The following CCDC57 variants were observed in gnomAD, a reference collection of about 807,000 sequenced individuals.
The protein encoded by CCDC57 is coiled-coil domain containing 57.
A neutral mutation model predicts 118.9 loss-of-function variants in CCDC57; 118 were observed. That is an observed-to-expected ratio of 0.99 (90% CI 0.86 to 1.16). The LOEUF (loss-of-function observed/expected upper bound fraction) is 1.16. Among genes scored for constraint, CCDC57 ranks in the 50% most tolerant of loss-of-function variants. The probability of loss-of-function intolerance (pLI) is 0.00; values close to 1 mark genes in which losing one functional copy is unlikely to be tolerated. For missense variants in CCDC57, 1,300 were observed against 1,320.7 expected, an observed-to-expected ratio of 0.98 and a Z score of 0.24; for synonymous variants, 527 against 532.9, an observed-to-expected ratio of 0.99 and a Z score of 0.15.
intron 7 of CCDC57, among the ~76,000 whole-genome samples, chr17:82,189,087 T>C (rs1284968296): frequency 6.6e-6 from 1 of 152,018 alleles, no homozygotes; most frequent in African/African-American, 2.4e-5. Flanking sequence ...CTGGGCAATA[T>C]GGCAAAACAC....
In CCDC57 at chr17:82,102,312, C is replaced by T. The variant is rs543767360; in HGVS notation, c.2900-446G>A. On this transcript the variant is annotated intron_variant, in intron 19 of 19. Coordinates refer to ENST00000665763, the Ensembl canonical transcript of CCDC57. ...GACACATTGCCTGCCCCCGCCTCCC[C>T]GATGGGCCAGCAGTGCCAGGCTTTT... Among the ~76,000 whole-genome samples, 318 of 152,324 alleles carry T rather than the reference C, an allele frequency of 2.1e-3. 2 individuals carry two copies. The highest frequency in any genetic ancestry group is 7.1e-3 in the African/African-American group (297 of 41,562).
At chr17:82,145,740 C>T in intron 16 of CCDC57, 1 of 415,574 alleles carries the variant, frequency 2.4e-6, no homozygotes, top group South Asian at 1.7e-5. Context: ...CCTCCTGCTT[C>T]CCCCTGCAGG....
At chr17:82,191,425 G>A (rs1341795383) in intron 7 of CCDC57, among the ~76,000 whole-genome samples, 1 of 152,152 alleles carries the variant, frequency 6.6e-6, no homozygotes, top group Admixed American at 6.5e-5. Flanking sequence ...AGCGGGATTG[G>A]CACCATATAG....
chr17:82,174,645 A>C (rs1045135807), intron 11 of CCDC57, among the ~76,000 whole-genome samples: 1 of 152,208 alleles, frequency 6.6e-6, no homozygotes, highest in African/African-American at 2.4e-5. Context: ...CTTCTCAAAG[A>C]GATAACAACA....
intron 16 of CCDC57, among the ~76,000 whole-genome samples, chr17:82,141,172 G>A (rs1368439370): frequency 4.6e-5 from 6 of 131,708 alleles, no homozygotes; most frequent in African/African-American, 5.6e-5. Context: ...CACCACGCCC[G>A]GCTAATTTTT....
chr17:82,166,552 G>A (rs2044010319), intron 13 of CCDC57, among the ~76,000 whole-genome samples: 1 of 151,950 alleles, frequency 6.6e-6, no homozygotes, highest in Non-Finnish European at 1.5e-5. Context: ...AAAAACTCCA[G>A]CAAGCAATTT....
Position 82,130,499 on chromosome 17 carries a change from C to CTTTT in CCDC57, c.2578-1906_2578-1903dup, listed in dbSNP as rs35413191. 7.3e-4 allele frequency among the ~76,000 whole-genome samples: 65 copies of CTTTT among 88,934 alleles called. 1 individual carries two copies. The highest frequency in any genetic ancestry group is 2.5e-3 in the African/African-American group (54 of 22,022). 58.3% of individuals were successfully genotyped at this position (88,934 alleles called of 152,430 possible). A position where few individuals can be genotyped will look rare whatever the true frequency, so the allele number is the denominator to read the frequency against. On this transcript the variant is annotated intron_variant, in intron 17 of 19. Coordinates refer to ENST00000665763, the Ensembl canonical transcript of CCDC57. ...CGTGAGCCACCACACCCAGACAAAA[C>CTTTT]TTTTTTTTTTTTTTTTTTTTTGAGA...
chr17:82,143,575 C>T (rs1477644556), intron 16 of CCDC57, among the ~76,000 whole-genome samples: 1 of 152,076 alleles, frequency 6.6e-6, no homozygotes, highest in African/African-American at 2.4e-5. Context: ...CTGACATGCC[C>T]CGTAAGATCT....
intron 1 of CCDC57, among the ~76,000 whole-genome samples, chr17:82,210,822 C>T (rs1392522422): frequency 6.6e-6 from 1 of 151,106 alleles, no homozygotes. Context: ...GACGAAACCT[C>T]GTCTCTACTA....
At chr17:82,110,941 C>T (rs2035196502) in intron 19 of CCDC57, among the ~76,000 whole-genome samples, 1 of 150,138 alleles carries the variant, frequency 6.7e-6, no homozygotes. Flanking sequence ...AGGAGAATCG[C>T]TTGAACCCTG....
chr17:82,178,169 C>G (rs2045767393), intron 11 of CCDC57, among the ~76,000 whole-genome samples: 1 of 152,206 alleles, frequency 6.6e-6, no homozygotes, highest in Non-Finnish European at 1.5e-5. Flanking sequence ...AGATTCCTAG[C>G]ATAAAATGAC....
chr17:82,121,839 G>T (rs949367163), intron 19 of CCDC57, among the ~76,000 whole-genome samples: 1 of 152,148 alleles, frequency 6.6e-6, no homozygotes, highest in East Asian at 1.9e-4. Context: ...CAGTTACCAC[G>T]AGGAGATAAA....
chr17:82,205,215 CGT>C (rs1259421852), intron 2 of CCDC57, among the ~76,000 whole-genome samples: 1 of 152,212 alleles, frequency 6.6e-6, no homozygotes, highest in Non-Finnish European at 1.5e-5. Flanking sequence ...ACACAGTGCC[CGT>C]GAGTCATGAC....
Position 82,192,379 on chromosome 17 carries a change from G to A in CCDC57, c.851+1377C>T, listed in dbSNP as rs2047776347. Among the ~76,000 whole-genome samples, 2 of 152,212 alleles carry A rather than the reference G, an allele frequency of 1.3e-5. No homozygotes were observed. Among genetic ancestry groups the A allele is most frequent in the Non-Finnish European group, 2.9e-5 (2 of 68,044 alleles). Reference sequence around the variant, plus strand: ...TTATCAGTAAGGCTTCTGGTCAACAGTAGGTTCTAAGTAGTTAAGTTTTTG... The same window carrying A: ...TTATCAGTAAGGCTTCTGGTCAACAATAGGTTCTAAGTAGTTAAGTTTTTG... On this transcript the variant is annotated intron_variant, in intron 7 of 19. Transcript: ENST00000665763. The surrounding 1 kb of genome is among the most constrained non-coding windows in gnomAD (Gnocchi z 4.0).
intron 9 of CCDC57, among the ~76,000 whole-genome samples, chr17:82,181,130 G>T (rs1245950860): frequency 6.6e-6 from 1 of 152,250 alleles, no homozygotes; most frequent in African/African-American, 2.4e-5. Flanking sequence ...TGAGGCAGAG[G>T]GGCAGAGAGG....
intron 15 of CCDC57, 168 bp downstream of exon 14, chr17:82,157,580 G>C (rs1242437641): frequency 4.9e-6 from 7 of 1,435,646 alleles, no homozygotes; most frequent in Non-Finnish European, 6.4e-6. Context: ...CGGAGGAATG[G>C]GGAGAGGGGG....
rs9303022 is a variant in CCDC57, at chr17:82,212,775, C to G, written c.-211+10G>C. 0.75 allele frequency: 114,368 copies of G among 152,126 alleles called. 43,654 individuals carry two copies. Among genetic ancestry groups the G allele is most frequent in the East Asian group, 0.92 (4,731 of 5,144 alleles). 9.4% of individuals were successfully genotyped at this position (152,126 alleles called of 1,614,324 possible). ...TCCCACGCCTCCCACGCCGCCCGCC[C>G]GCACCTCACCCTAACGCCCGCCAGC... is the stretch of plus-strand genomic sequence containing the variant. On this transcript the variant is annotated intron_variant, in intron 1 of 19. Transcript: ENST00000665763. This position sits in a 1 kb window ranked among gnomAD's most constrained non-coding sequence, Gnocchi z 4.1.
At chr17:82,109,226 G>A (rs1598617232) in intron 19 of CCDC57, among the ~76,000 whole-genome samples, 1 of 152,182 alleles carries the variant, frequency 6.6e-6, no homozygotes, top group African/African-American at 2.4e-5. Context: ...TGGCCCCAGC[G>A]CCCCGCAGGA....
chr17:82,129,004 C>G (rs546849491), intron 17 of CCDC57, among the ~76,000 whole-genome samples: 1 of 152,018 alleles, frequency 6.6e-6, no homozygotes, highest in Admixed American at 6.6e-5. Flanking sequence ...CTGCAACCTC[C>G]GCCTCCTGGG....
Sources: allele counts gnomAD v4.1 joint callset (sites outside exome capture counted in the v4.1 genomes callset), GRCh38; gene constraint gnomAD v4.1.1; non-coding constraint Gnocchi (gnomAD v3.1); transcripts MANE v1.5; gene names NCBI Gene and HGNC (gene_info 2026-07-23, HGNC 2026-07-21).